The following SLC5A12 variants were observed in gnomAD, a reference collection of about 807,000 sequenced individuals.
SLC5A12 encodes the protein sodium-coupled monocarboxylate transporter 2.
SLC5A12 carries 46 observed loss-of-function variants against 72.7 expected under a neutral mutation model. The ratio of observed to expected loss-of-function variants is 0.63; its 90% CI spans 0.50 to 0.81. The LOEUF is 0.81. Ranked by LOEUF, SLC5A12 falls within the 30% of genes least tolerant of loss-of-function variation. SLC5A12 has a pLI of 0.00. For synonymous variants in SLC5A12, 275 were observed against 264.4 expected (o/e 1.04, Z -0.39); for missense variants, 683 against 740.7 (o/e 0.92, Z 0.90).
chr11:26,680,989 G>C (rs1318300405), intron 12 of SLC5A12, 66 bp downstream of exon 12: 2 of 1,396,246 alleles, frequency 1.4e-6, no homozygotes, highest in Non-Finnish European at 1.9e-6. Context: ...TCTCTGAAGA[G>C]TGCACCTCCC....
chr11:26,702,745 T>C (rs1854988060), intron 6 of SLC5A12, among the ~76,000 whole-genome samples: 1 of 152,120 alleles, frequency 6.6e-6, no homozygotes, highest in Non-Finnish European at 1.5e-5. Context: ...TGTTTTCTTA[T>C]TTTTTTAACC....
intron 10 of SLC5A12, among the ~76,000 whole-genome samples, chr11:26,685,150 G>A (rs1854499188): frequency 6.6e-6 from 1 of 152,178 alleles, no homozygotes; most frequent in African/African-American, 2.4e-5. Flanking sequence ...TCTTAAAATG[G>A]AAGTAATGGA....
chr11:26,720,594 T>G (rs1855456595), intron 1 of SLC5A12, among the ~76,000 whole-genome samples: 1 of 152,052 alleles, frequency 6.6e-6, no homozygotes. Context: ...CTTTTCAGTC[T>G]CCTGCAGTGA....
intron 4 of SLC5A12, among the ~76,000 whole-genome samples, chr11:26,704,679 A>AGGTAAGGT (rs1315099786): frequency 6.6e-6 from 1 of 152,108 alleles, no homozygotes; most frequent in African/African-American, 2.4e-5. Flanking sequence ...TGACAGATAG[A>AGGTAAGGT]GGTAAGGTAG....
chr11:26,673,273 C>A (rs750014196), intron 14 of SLC5A12, 129 bp downstream of exon 14: 9 of 1,093,292 alleles, frequency 8.2e-6, no homozygotes, highest in Admixed American at 3.0e-5. Context: ...AGCTGAAACT[C>A]AAATTCCTTC....
At chr11:26,688,110 C>T (rs1565189792) in intron 9 of SLC5A12, among the ~76,000 whole-genome samples, 1 of 152,166 alleles carries the variant, frequency 6.6e-6, no homozygotes, top group African/African-American at 2.4e-5. Flanking sequence ...TCAGTCCTCC[C>T]CACAAAATCT....
chr11:26,719,053 C>T (rs114994071), intron 1 of SLC5A12, among the ~76,000 whole-genome samples: 295 of 152,158 alleles, frequency 1.9e-3, no homozygotes, highest in African/African-American at 6.9e-3. Flanking sequence ...TACATAATTG[C>T]AATTGGTTTA....
At chr11:26,714,617 A>G (rs1229257385) in intron 1 of SLC5A12, among the ~76,000 whole-genome samples, 1 of 152,184 alleles carries the variant, frequency 6.6e-6, no homozygotes, top group Non-Finnish European at 1.5e-5. Context: ...TGAGGATTAA[A>G]TTTCTTGCTA....
intron 4 of SLC5A12, among the ~76,000 whole-genome samples, chr11:26,705,760 T>C (rs903562210): frequency 6.6e-6 from 1 of 152,040 alleles, no homozygotes; most frequent in African/African-American, 2.4e-5. Flanking sequence ...AGGCCTCTGT[T>C]TTCAGAGGAT....
At chr11:26,709,250 G>A (rs570292307) in intron 4 of SLC5A12, 62 bp downstream of exon 4, 1 of 1,244,174 alleles carries the variant, frequency 8.0e-7, no homozygotes, top group African/African-American at 1.5e-5. Context: ...TATTGCTGGA[G>A]ATTTGCCCTT....
rs1006548403 is a variant in SLC5A12 at position 26,674,560 on chromosome 11, C to A, written c.1580-1031G>T. ...GACTACAGGCACGAACTACCATGCC[C>A]GGCTAATTTTTTGCATTCTTTTTGT... On this transcript the variant is annotated intron_variant, in intron 13 of 14. Transcript: ENST00000396005. Among the ~76,000 whole-genome samples the A allele has an allele frequency of 1.3e-5, 2 of 151,874 alleles. 1 individual carries two copies. The highest frequency in any genetic ancestry group is 2.9e-5 in the Non-Finnish European group (2 of 67,998).
chr11:26,695,293 A>G (rs1263252314), intron 8 of SLC5A12, among the ~76,000 whole-genome samples: 1 of 152,116 alleles, frequency 6.6e-6, no homozygotes, highest in Non-Finnish European at 1.5e-5. Flanking sequence ...AGAATGTAAT[A>G]AAAGTAATAT....
At chr11:26,714,393 T>C (rs1342412503) in intron 1 of SLC5A12, among the ~76,000 whole-genome samples, 2 of 152,088 alleles carry the variant, frequency 1.3e-5, no homozygotes, top group Admixed American at 6.6e-5. Context: ...TAACAAATAT[T>C]TATACTAATG....
In SLC5A12 at chr11:26,692,323, C is replaced by T. The variant is rs1433055804; in HGVS notation, c.1153+166G>A. ...ACTAGCTAGTCATTCTTTCCTGATA[C>T]CCTGCTGGATCTTTGGAAGTGTAAG... is the stretch of plus-strand genomic sequence containing the variant. On this transcript the variant is annotated intron_variant, in intron 9 of 14. Coordinates refer to ENST00000396005, the MANE Select transcript of SLC5A12 (RefSeq NM_178498.4). The T allele has an allele frequency of 4.5e-5, 27 of 596,188 alleles. No homozygotes were observed. The East Asian group carries it at 7.7e-4, about 17-fold the overall frequency. The allele number at this position is 596,188 out of a possible 1,614,324, so 36.9% of individuals were successfully genotyped here.
chr11:26,717,142 G>A (rs1331997667), intron 1 of SLC5A12, among the ~76,000 whole-genome samples: 4 of 152,028 alleles, frequency 2.6e-5, no homozygotes, highest in African/African-American at 9.7e-5. Context: ...TACCACCACT[G>A]TTATTTGAAG....
At chr11:26,683,950 CTG>C (rs772577966) in intron 10 of SLC5A12, 107 bp from the exon 11 acceptor site, 2 of 782,550 alleles carry the variant, frequency 2.6e-6, no homozygotes, top group South Asian at 1.6e-5. Flanking sequence ...CTAGTCCTGA[CTG>C]TGCCATTTGT....
At chr11:26,716,584 A>T (rs999126120) in intron 1 of SLC5A12, among the ~76,000 whole-genome samples, 7 of 152,106 alleles carry the variant, frequency 4.6e-5, no homozygotes, top group African/African-American at 1.7e-4. Flanking sequence ...TATTTTCAGA[A>T]CCCCAAACTT....
intron 2 of SLC5A12, 31 bp from the exon 3 acceptor site, chr11:26,711,389 T>G (rs754648973): frequency 6.3e-7 from 1 of 1,579,566 alleles, no homozygotes; most frequent in South Asian, 1.1e-5. Context: ...AGATTGGCAG[T>G]GAGAAAGGGA....
At chr11:26,692,284 G>A (rs2133170674) in intron 9 of SLC5A12, 2 of 549,878 alleles carry the variant, frequency 3.6e-6, no homozygotes, top group East Asian at 6.2e-5. Context: ...TGAAAATAAA[G>A]GCAGTTAAGG....
Sources: gnomAD v4.1 joint callset for allele counts (sites outside exome capture counted in the v4.1 genomes callset) on GRCh38, gnomAD v4.1.1 for gene constraint, MANE v1.5 for transcripts, NCBI Gene and HGNC (gene_info 2026-07-23, HGNC 2026-07-21) for gene names.